ABL2: variants seen among roughly 807,000 people sequenced by gnomAD.
The protein encoded by ABL2 is tyrosine-protein kinase ABL2.
In ABL2, 49 loss-of-function variants were observed where a neutral mutation model predicts 107.7. The observed-to-expected ratio is 0.45, with a 90% CI of 0.36 to 0.58. The LOEUF is 0.58. Ranked by LOEUF, ABL2 falls within the 20% of genes least tolerant of loss-of-function variation. The pLI, the probability that ABL2 is intolerant of heterozygous loss-of-function variation, is 0.00. For missense variants in ABL2, 1,245 were observed against 1,457.0 expected, an observed-to-expected ratio of 0.85 and a Z score of 2.37; for synonymous variants, 549 against 548.6, an observed-to-expected ratio of 1.00 and a Z score of -0.01.
intron 6 of ABL2, among the ~76,000 whole-genome samples, chr1:179,119,822 T>C (rs1372294269): frequency 6.6e-6 from 1 of 152,214 alleles, no homozygotes; most frequent in Non-Finnish European, 1.5e-5. Flanking sequence ...CTGGGGCAAT[T>C]AGTACAAACT....
chr1:179,218,580 A>C (rs931449341), intron 1 of ABL2, among the ~76,000 whole-genome samples: 1 of 152,122 alleles, frequency 6.6e-6, no homozygotes, highest in African/African-American at 2.4e-5. Context: ...TATCTTTAGT[A>C]GAGATGGGGT....
In ABL2 at chr1:179,099,720, T is replaced by C. The variant is rs916372353; in HGVS notation, c.*7998A>G. ...TAAACGTTCAACGAGTTTTAAAGAA[T>C]TGAATCCGCATGTTTGGGGACAAAG... On this transcript the variant is annotated 3_prime_UTR_variant, in exon 12 of 12. Coordinates refer to ENST00000502732, the MANE Select transcript of ABL2 (RefSeq NM_007314.4). 1.3e-5 allele frequency: 3 copies of C among 230,916 alleles called. No homozygotes were observed. The highest frequency in any genetic ancestry group is 3.6e-4 in the South Asian group (2 of 5,508). 14.3% of individuals were successfully genotyped at this position (230,916 alleles called of 1,614,324 possible). A position where few individuals can be genotyped will look rare whatever the true frequency, so the allele number is the denominator to read the frequency against.
rs554658812 is a variant in ABL2, at chr1:179,186,628, G to A, written c.157+42613C>T. 2.4e-3 allele frequency among the ~76,000 whole-genome samples: 361 copies of A among 151,910 alleles called. 1 individual carries two copies. The highest frequency in any genetic ancestry group is 7.6e-3 in the African/African-American group (316 of 41,422). On this transcript the variant is annotated intron_variant, in intron 1 of 11. Coordinates refer to ENST00000502732, the MANE Select transcript of ABL2 (RefSeq NM_007314.4). ...ACTCCTGACTTCAGACACTGTGCCC[G>A]GCCTCAACTTCTTTCTTAAACCTGA...
chr1:179,120,325 A>T (rs1655067152), intron 5 of ABL2, 51 bp from the exon 6 acceptor site: 4 of 1,178,354 alleles, frequency 3.4e-6, no homozygotes, highest in Non-Finnish European at 4.9e-6. Context: ...ACAAACCCTC[A>T]ACTTAAAATC....
rs28991595 is a variant in ABL2, at chr1:179,208,511, T to G, written c.157+20730A>C. Among the ~76,000 whole-genome samples, 33 of 152,300 alleles carry G rather than the reference T, an allele frequency of 2.2e-4. No individual in the cohort carries two copies. In the East Asian group the frequency reaches 6.2e-3, roughly 28 times the overall value. ...TCTTTTTTATGGCTGCATGTATACATTTGCTTTTTTCTCTTATCATATTAT... is the reference window on the plus strand; with the variant it reads ...TCTTTTTTATGGCTGCATGTATACAGTTGCTTTTTTCTCTTATCATATTAT... On this transcript the variant is annotated intron_variant, in intron 1 of 11. Transcript: ENST00000502732.
At chr1:179,158,574 T>C (rs1571219571) in intron 1 of ABL2, among the ~76,000 whole-genome samples, 1 of 152,206 alleles carries the variant, frequency 6.6e-6, no homozygotes, top group African/African-American at 2.4e-5. Flanking sequence ...AACTGGCCTC[T>C]GACCTAAGGC....
chr1:179,148,039 C>CTTTTTTTT (rs1393464807), intron 1 of ABL2, among the ~76,000 whole-genome samples: 2 of 131,048 alleles, frequency 1.5e-5, no homozygotes, highest in Non-Finnish European at 1.6e-5. Flanking sequence ...CTTTTCTTTT[C>CTTTTTTTT]TTTTTTTTTT....
chr1:179,201,277 T>A (rs1397225687), intron 1 of ABL2, among the ~76,000 whole-genome samples: 1 of 152,224 alleles, frequency 6.6e-6, no homozygotes, highest in Non-Finnish European at 1.5e-5. Context: ...TGTTTTTCTA[T>A]TCAAAATGCA....
At chr1:179,144,065 T>C (rs759549322) in intron 1 of ABL2, among the ~76,000 whole-genome samples, 1 of 152,026 alleles carries the variant, frequency 6.6e-6, no homozygotes, top group African/African-American at 2.4e-5. Flanking sequence ...TTAAAGAAAA[T>C]TTAAAAACCT....
chr1:179,206,634 T>A (rs748238297), intron 1 of ABL2, among the ~76,000 whole-genome samples: 1 of 151,972 alleles, frequency 6.6e-6, no homozygotes, highest in Non-Finnish European at 1.5e-5. Flanking sequence ...TACACATGCA[T>A]AATATATCTC....
chr1:179,119,699 A>T (rs1253892158), intron 6 of ABL2, among the ~76,000 whole-genome samples: 1 of 152,136 alleles, frequency 6.6e-6, no homozygotes, highest in Non-Finnish European at 1.5e-5. Flanking sequence ...GTGTGGTCAC[A>T]GTTTTTAATT....
chr1:179,135,240 G>A (rs1656764873), intron 1 of ABL2, among the ~76,000 whole-genome samples: 1 of 151,836 alleles, frequency 6.6e-6, no homozygotes, highest in East Asian at 2.0e-4. Context: ...AGTCTGGAAA[G>A]TGAGGAGCAT....
intron 1 of ABL2, among the ~76,000 whole-genome samples, chr1:179,195,001 T>C (rs1202918085): frequency 6.6e-6 from 1 of 151,978 alleles, no homozygotes; most frequent in East Asian, 1.9e-4. Context: ...AAAACGACAA[T>C]GAGAGGCCAG....
At chr1:179,143,010 C>G (rs1318056) in intron 1 of ABL2, 131,756 of 1,613,966 alleles carry the variant, frequency 0.082, 5,667 homozygotes, top group Middle Eastern at 0.11. Context: ...TCTGCCATAA[C>G]TATTAGGTGG....
chr1:179,143,215 T>C (rs1002902830), intron 1 of ABL2: 11 of 906,268 alleles, frequency 1.2e-5, no homozygotes, highest in Non-Finnish European at 1.5e-5. Context: ...GGGTGGAGAG[T>C]GACCTAAAGG....
intron 9 of ABL2, among the ~76,000 whole-genome samples, chr1:179,112,629 C>T (rs1158951551): frequency 6.6e-6 from 1 of 152,168 alleles, no homozygotes; most frequent in Non-Finnish European, 1.5e-5. Flanking sequence ...TGCTTTGTCA[C>T]CCAGGCTGGA....
At chr1:179,175,304 A>C (rs1029341646) in intron 1 of ABL2, among the ~76,000 whole-genome samples, 1 of 152,208 alleles carries the variant, frequency 6.6e-6, no homozygotes, top group Non-Finnish European at 1.5e-5. Context: ...TCAATGCCAG[A>C]GAGAGAAAAT....
intron 1 of ABL2, among the ~76,000 whole-genome samples, chr1:179,208,831 T>C (rs554031382): frequency 1.3e-5 from 2 of 152,338 alleles, no homozygotes; most frequent in African/African-American, 2.4e-5. Context: ...AAGAGTGTAA[T>C]TTTTGGAGTT....
chr1:179,153,479 T>C (rs945407715), intron 1 of ABL2, among the ~76,000 whole-genome samples: 3 of 152,152 alleles, frequency 2.0e-5, no homozygotes, highest in Admixed American at 6.6e-5. Context: ...CAGCTTCTAG[T>C]GGCTGCCAAC....
Sources: gnomAD v4.1 joint callset for allele counts (sites outside exome capture counted in the v4.1 genomes callset) on GRCh38, gnomAD v4.1.1 for gene constraint, MANE v1.5 for transcripts, NCBI Gene and HGNC (gene_info 2026-07-23, HGNC 2026-07-21) for gene names.